The following MECOM variants were observed in gnomAD, a reference collection of about 807,000 sequenced individuals.
MECOM encodes the protein MDS1 and EVI1 complex locus.
In MECOM, 13 loss-of-function variants were observed where a neutral mutation model predicts 116.3. The observed-to-expected ratio is 0.11, with a 90% CI of 0.07 to 0.18. MECOM has a LOEUF of 0.18. Ranked by LOEUF, MECOM falls within the 10% of genes least tolerant of loss-of-function variation. The pLI is 1.00. For missense variants in MECOM, 1,299 were observed against 1,509.0 expected (o/e 0.86, Z 2.31); for synonymous variants, 528 against 535.2 (o/e 0.99, Z 0.19).
intron 2 of MECOM, chr3:169,145,576 A>G (rs1739630809): frequency 4.4e-6 from 1 of 225,200 alleles, no homozygotes; most frequent in Non-Finnish European, 8.8e-6. Context: ...TTCTCCTGAC[A>G]CACCAAAGAA....
intron 1 of MECOM, among the ~76,000 whole-genome samples, chr3:169,437,508 AG>A (rs1177484146): frequency 2.0e-5 from 3 of 152,188 alleles, no homozygotes; most frequent in African/African-American, 7.2e-5. Flanking sequence ...TATTCACAAA[AG>A]CACCTTCTTT....
intron 2 of MECOM, among the ~76,000 whole-genome samples, chr3:169,199,354 T>C (rs1039804427): frequency 2.6e-5 from 4 of 151,958 alleles, no homozygotes; most frequent in African/African-American, 9.7e-5. Context: ...GGAAAAATCG[T>C]GGGGAAAAAT....
intron 1 of MECOM, among the ~76,000 whole-genome samples, chr3:169,556,654 ACAAGGT>A (rs1055167319): frequency 6.6e-6 from 1 of 152,152 alleles, no homozygotes; most frequent in Non-Finnish European, 1.5e-5. Flanking sequence ...TGACCCAGAG[ACAAGGT>A]CATAAAAAGC....
chr3:169,143,273 C>T (rs987484522), intron 3 of MECOM, among the ~76,000 whole-genome samples: 3 of 152,002 alleles, frequency 2.0e-5, no homozygotes, highest in South Asian at 2.1e-4. Context: ...AACACTGATA[C>T]TATGCATATA....
At chr3:169,155,990 C>T (rs1184912597) in intron 2 of MECOM, among the ~76,000 whole-genome samples, 3 of 152,170 alleles carry the variant, frequency 2.0e-5, no homozygotes, top group Non-Finnish European at 2.9e-5. Flanking sequence ...AGTCATTATT[C>T]TTAAAATAGT....
chr3:169,322,628 GA>G lies in MECOM; in HGVS notation c.375+58558del, dbSNP rs565585927. Among the ~76,000 whole-genome samples the G allele has an allele frequency of 3.1e-4, 45 of 147,242 alleles. 2 individuals carry two copies. The highest frequency in any genetic ancestry group is 3.9e-4 in the East Asian group (2 of 5,076). ...CCTGGAGTGTTCACCACTGTAAAAA[GA>G]AAAAAAAAATTATAAAGACAGCAAA... On this transcript the variant is annotated intron_variant, in intron 2 of 16. Coordinates refer to ENST00000651503, the MANE Select transcript of MECOM (RefSeq NM_004991.4).
intron 2 of MECOM, among the ~76,000 whole-genome samples, chr3:169,182,687 T>C (rs1402514230): frequency 2.6e-5 from 4 of 152,332 alleles, no homozygotes; most frequent in Non-Finnish European, 4.4e-5. Context: ...CAAGGCCCAG[T>C]TGGCTATCTG....
intron 1 of MECOM, among the ~76,000 whole-genome samples, chr3:169,590,733 G>A (rs1766307561): frequency 1.3e-5 from 2 of 152,154 alleles, no homozygotes; most frequent in Admixed American, 1.3e-4. Context: ...GCCACTTGAT[G>A]GTGGATGTGA....
chr3:169,392,250 G>C (rs1734329854), intron 1 of MECOM, among the ~76,000 whole-genome samples: 1 of 152,124 alleles, frequency 6.6e-6, no homozygotes, highest in African/African-American at 2.4e-5. Flanking sequence ...ATATACATTT[G>C]ACTTTCAAAA....
chr3:169,288,293 A>T (rs1464674021), intron 2 of MECOM, among the ~76,000 whole-genome samples: 1 of 152,184 alleles, frequency 6.6e-6, no homozygotes, highest in Non-Finnish European at 1.5e-5. Flanking sequence ...CAAGAAAAAT[A>T]AATATAAGAA....
At chr3:169,645,340 C>T (rs984255686) in intron 1 of MECOM, among the ~76,000 whole-genome samples, 30 of 152,050 alleles carry the variant, frequency 2.0e-4, no homozygotes, top group Admixed American at 6.5e-5. Context: ...CTGTAGAATT[C>T]CCATTGCTTC....
intron 1 of MECOM, among the ~76,000 whole-genome samples, chr3:169,446,375 T>C (rs1323787660): frequency 6.6e-6 from 1 of 152,214 alleles, no homozygotes; most frequent in Admixed American, 6.5e-5. Context: ...TTTCCGCTTT[T>C]GCTTCTTCCT....
At chr3:169,529,784 G>A (rs1023264483) in intron 1 of MECOM, among the ~76,000 whole-genome samples, 2 of 152,148 alleles carry the variant, frequency 1.3e-5, no homozygotes, top group Non-Finnish European at 2.9e-5. Flanking sequence ...TCCCTGCTTT[G>A]TACTGGTCCA....
chr3:169,257,875 C>T (rs1757041247), intron 2 of MECOM, among the ~76,000 whole-genome samples: 1 of 152,132 alleles, frequency 6.6e-6, no homozygotes, highest in Non-Finnish European at 1.5e-5. Flanking sequence ...ATGTTGATAT[C>T]TCATTTCAAG....
At chr3:169,475,023 A>G (rs1166701532) in intron 1 of MECOM, among the ~76,000 whole-genome samples, 1 of 152,198 alleles carries the variant, frequency 6.6e-6, no homozygotes, top group Non-Finnish European at 1.5e-5. Flanking sequence ...TGTGATTCTT[A>G]AAGCCTGAAC....
chr3:169,546,081 T>C (rs1760691097), intron 1 of MECOM, among the ~76,000 whole-genome samples: 1 of 152,230 alleles, frequency 6.6e-6, no homozygotes, highest in Non-Finnish European at 1.5e-5. Flanking sequence ...ATTATTGAAC[T>C]GAGCCAATAA....
chr3:169,600,947 T>C (rs1767766438), intron 1 of MECOM, among the ~76,000 whole-genome samples: 1 of 152,230 alleles, frequency 6.6e-6, no homozygotes, highest in African/African-American at 2.4e-5. Context: ...AATATTTTCA[T>C]TCAGTGGTTC....
At chr3:169,201,257 A>ATGTG (rs59517316) in intron 2 of MECOM, among the ~76,000 whole-genome samples, 3 of 150,216 alleles carry the variant, frequency 2.0e-5, no homozygotes, top group South Asian at 2.1e-4. Flanking sequence ...TTTAGACAAG[A>ATGTG]TGTGTGTGTG....
chr3:169,123,005 T>C (rs1731545839), intron 5 of MECOM, among the ~76,000 whole-genome samples: 1 of 152,102 alleles, frequency 6.6e-6, no homozygotes, highest in Non-Finnish European at 1.5e-5. Context: ...TTTAAAAGCA[T>C]GATAAACAAC....
Sources: gnomAD v4.1 joint callset for allele counts (sites outside exome capture counted in the v4.1 genomes callset) on GRCh38, gnomAD v4.1.1 for gene constraint, MANE v1.5 for transcripts, NCBI Gene and HGNC (gene_info 2026-07-23, HGNC 2026-07-21) for gene names.